NRG1: variants seen among roughly 807,000 people sequenced by gnomAD.
NRG1 encodes neuregulin 1, also known as pro-neuregulin-1, membrane-bound isoform.
In NRG1, 18 loss-of-function variants were observed where a neutral mutation model predicts 63.8. The observed-to-expected ratio is 0.28, with a 90% CI of 0.19 to 0.42. NRG1 has a LOEUF of 0.42. NRG1 is among the 10% of genes least tolerant of loss of function. The pLI, the probability that NRG1 is intolerant of heterozygous loss-of-function variation, is 1.00. For synonymous variants in NRG1, 302 were observed against 301.3 expected, an observed-to-expected ratio of 1.00 and a Z score of -0.02; for missense variants, 762 against 814.7, an observed-to-expected ratio of 0.94 and a Z score of 0.79.
intron 1 of NRG1, among the ~76,000 whole-genome samples, chr8:32,058,098 G>T (rs959328603): frequency 6.6e-6 from 1 of 151,960 alleles, no homozygotes; most frequent in East Asian, 1.9e-4. Flanking sequence ...AATTCACCAC[G>T]TGTAGCCCAA....
intron 1 of NRG1, among the ~76,000 whole-genome samples, chr8:32,567,004 G>T (rs1324431450): frequency 6.6e-6 from 1 of 152,220 alleles, no homozygotes; most frequent in Middle Eastern, 3.4e-3. Flanking sequence ...CACCACACCC[G>T]GCTAATTTTT....
chr8:31,972,087 C>A lies in NRG1; in HGVS notation c.37+332656C>A, dbSNP rs1807383711. On this transcript the variant is annotated intron_variant, in intron 1 of 10. Transcript: ENST00000519301. ...GAGGGTGGCTATCTGGCAGCTTCCA[C>A]CTTTCCCACTAGAGTTTTCAAATAT... Among the ~76,000 whole-genome samples, 5 of 152,190 alleles carry A rather than the reference C, an allele frequency of 3.3e-5. 1 individual carries two copies. In the South Asian group the frequency reaches 1.0e-3, roughly 32 times the overall value.
At chr8:31,989,593 CA>C (rs1468478882) in intron 1 of NRG1, among the ~76,000 whole-genome samples, 2 of 151,962 alleles carry the variant, frequency 1.3e-5, no homozygotes, top group Non-Finnish European at 2.9e-5. Flanking sequence ...CCACTCTTGG[CA>C]AAATATTTGG....
Position 32,463,918 on chromosome 8 carries a change from G to C in NRG1, c.38-131910G>C, listed in dbSNP as rs12542900. ...TTTTTTTTTTTTTTTTTTTTTGGGG[G>C]AGGGTCTCATTCTGTTGCCAGGCTG... On this transcript the variant is annotated intron_variant, in intron 1 of 10. Transcript: ENST00000519301. Among the ~76,000 whole-genome samples the C allele has an allele frequency of 2.9e-5, 2 of 68,640 alleles. 1 individual carries two copies. The highest frequency in any genetic ancestry group is 1.0e-4 in the African/African-American group (2 of 19,688). The allele number at this position is 68,640 out of a possible 152,430, so 45.0% of individuals were successfully genotyped here.
chr8:32,027,446 TTC>T (rs1817578261), intron 1 of NRG1, among the ~76,000 whole-genome samples: 1 of 126,358 alleles, frequency 7.9e-6, no homozygotes. Context: ...CCTTCCTTCC[TTC>T]CTTCCTTCCT....
At chr8:32,327,556 A>G (rs1406823537) in intron 1 of NRG1, among the ~76,000 whole-genome samples, 2 of 152,242 alleles carry the variant, frequency 1.3e-5, no homozygotes, top group East Asian at 3.9e-4. Flanking sequence ...GGATCTGAAG[A>G]TTGTCCCATA....
At chr8:32,494,033 C>A (rs1826909656) in intron 1 of NRG1, among the ~76,000 whole-genome samples, 1 of 151,902 alleles carries the variant, frequency 6.6e-6, no homozygotes, top group African/African-American at 2.4e-5. Context: ...AATAGTTTTT[C>A]TTCTTAATTG....
intron 1 of NRG1, among the ~76,000 whole-genome samples, chr8:31,861,466 T>A (rs1357015476): frequency 1.3e-5 from 2 of 152,156 alleles, no homozygotes; most frequent in Admixed American, 1.3e-4. Context: ...AAACTCATTG[T>A]ATATGATTGA....
chr8:32,732,260 C>A (rs762021303), intron 6 of NRG1, among the ~76,000 whole-genome samples: 2 of 152,094 alleles, frequency 1.3e-5, no homozygotes, highest in African/African-American at 4.8e-5. Flanking sequence ...CCATTTTGTA[C>A]CCTCTGATGC....
chr8:32,040,159 A>G (rs968590506), intron 1 of NRG1, among the ~76,000 whole-genome samples: 1 of 152,188 alleles, frequency 6.6e-6, no homozygotes, highest in Non-Finnish European at 1.5e-5. Context: ...AGCAACTTTA[A>G]AGAATTTCTA....
rs549690068 is a variant in NRG1 at position 32,532,556 on chromosome 8, C to A, written c.38-63272C>A. Reference sequence around the variant, plus strand: ...AGCTGCTCTAATGGTATTAGAATTTCTCTTATGGAAACTTTTGCTTTATTT... The same window carrying A: ...AGCTGCTCTAATGGTATTAGAATTTATCTTATGGAAACTTTTGCTTTATTT... On this transcript the variant is annotated intron_variant, in intron 1 of 10. Coordinates refer to the NRG1 transcript ENST00000519301. Among the ~76,000 whole-genome samples, 6 of 152,116 alleles carry A rather than the reference C, an allele frequency of 3.9e-5. No individual in the cohort carries two copies. The East Asian group carries it at 1.2e-3, about 29-fold the overall frequency.
At chr8:31,914,980 T>C (rs1380399482) in intron 1 of NRG1, among the ~76,000 whole-genome samples, 3 of 152,090 alleles carry the variant, frequency 2.0e-5, no homozygotes, top group Non-Finnish European at 4.4e-5. Context: ...CCCACAATTA[T>C]CAGTTATGTA....
chr8:31,776,167 C>G (rs1819115245), intron 1 of NRG1, among the ~76,000 whole-genome samples: 1 of 152,164 alleles, frequency 6.6e-6, no homozygotes, highest in Non-Finnish European at 1.5e-5. Flanking sequence ...TGATGTGGAA[C>G]TCGAGGGGTT....
At chr8:32,061,944 G>A (rs1385635034) in intron 1 of NRG1, 1 of 151,956 alleles carries the variant, frequency 6.6e-6, no homozygotes, top group Non-Finnish European at 1.5e-5. Context: ...GGTAACAGAG[G>A]ACAGAACAGA....
intron 1 of NRG1, among the ~76,000 whole-genome samples, chr8:32,269,763 G>A (rs918587066): frequency 6.6e-6 from 1 of 152,152 alleles, no homozygotes; most frequent in African/African-American, 2.4e-5. Context: ...CTCTCAAGAT[G>A]TCAAATAATT....
intron 1 of NRG1, among the ~76,000 whole-genome samples, chr8:32,263,661 T>TA (rs963360637): frequency 3.3e-5 from 5 of 152,146 alleles, no homozygotes; most frequent in African/African-American, 1.2e-4. Context: ...ATTAACTTTT[T>TA]AAAAAAATAT....
At chr8:31,686,261 T>C (rs1808881608) in intron 1 of NRG1, among the ~76,000 whole-genome samples, 1 of 152,230 alleles carries the variant, frequency 6.6e-6, no homozygotes, top group South Asian at 2.1e-4. Flanking sequence ...GCTTACAGAC[T>C]GCTATTCTAC....
intron 1 of NRG1, among the ~76,000 whole-genome samples, chr8:32,087,740 A>G (rs1226067405): frequency 2.0e-5 from 3 of 152,030 alleles, no homozygotes; most frequent in East Asian, 1.9e-4. Context: ...AAGTGCTGGG[A>G]TTACAGGCGT....
chr8:32,113,882 A>G (rs1832362736), intron 1 of NRG1, among the ~76,000 whole-genome samples: 1 of 152,218 alleles, frequency 6.6e-6, no homozygotes, highest in South Asian at 2.1e-4. Flanking sequence ...TGCTGTAAAA[A>G]TGTATTACTT....
Sources: allele counts gnomAD v4.1 joint callset (sites outside exome capture counted in the v4.1 genomes callset), GRCh38; gene constraint gnomAD v4.1.1; transcripts MANE v1.5; gene names NCBI Gene and HGNC (gene_info 2026-07-23, HGNC 2026-07-21).